Variants in IGF1R observed in about 807,000 individuals in gnomAD.
IGF1R encodes the protein insulin-like growth factor 1 receptor.
In IGF1R, 44 loss-of-function variants were observed where a neutral mutation model predicts 144.6. The ratio of observed to expected loss-of-function variants is 0.30; its 90% CI spans 0.24 to 0.39. IGF1R has a LOEUF of 0.39. IGF1R is among the 10% of genes least tolerant of loss of function. The pLI is 1.00. For missense variants in IGF1R, 1,355 were observed against 1,833.7 expected, an observed-to-expected ratio of 0.74 and a Z score of 4.77; for synonymous variants, 795 against 722.8, an observed-to-expected ratio of 1.10 and a Z score of -1.60.
chr15:98,661,199 C>T (rs928263293), intron 1 of IGF1R, among the ~76,000 whole-genome samples: 3 of 152,122 alleles, frequency 2.0e-5, no homozygotes, highest in Non-Finnish European at 4.4e-5. Context: ...TTGCCTCACT[C>T]CTGGGAGGGA....
intron 2 of IGF1R, among the ~76,000 whole-genome samples, chr15:98,728,635 G>T (rs1248057591): frequency 6.6e-6 from 1 of 152,258 alleles, no homozygotes; most frequent in East Asian, 1.9e-4. Flanking sequence ...ACCCAGTGAG[G>T]TGCCTATGCT....
At chr15:98,825,886 A>G (rs1322883018) in intron 2 of IGF1R, among the ~76,000 whole-genome samples, 5 of 152,196 alleles carry the variant, frequency 3.3e-5, no homozygotes, top group African/African-American at 1.2e-4. Context: ...GAGCCCTCAG[A>G]TATGGAGGGC....
chr15:98,874,478 G>A (rs1158670289), intron 2 of IGF1R, among the ~76,000 whole-genome samples: 6 of 152,180 alleles, frequency 3.9e-5, no homozygotes, highest in Non-Finnish European at 4.4e-5. Context: ...TTGTCAAAAG[G>A]GGTCATATGC....
intron 2 of IGF1R, among the ~76,000 whole-genome samples, chr15:98,857,786 A>G (rs1030538706): frequency 6.6e-6 from 1 of 152,230 alleles, no homozygotes; most frequent in Admixed American, 6.5e-5. Context: ...CAGATCTAAC[A>G]CAGGATTAAC....
chr15:98,880,446 G>C (rs1384828079), intron 2 of IGF1R, among the ~76,000 whole-genome samples: 1 of 152,190 alleles, frequency 6.6e-6, no homozygotes, highest in Non-Finnish European at 1.5e-5. Flanking sequence ...AAGTGATCCA[G>C]TGGGCACTGT....
At chr15:98,791,499 C>T (rs1041959205) in intron 2 of IGF1R, among the ~76,000 whole-genome samples, 1 of 152,026 alleles carries the variant, frequency 6.6e-6, no homozygotes. Flanking sequence ...GACTTGTGGA[C>T]TGTGTCAGAG....
Position 98,761,152 on chromosome 15 carries a change from T to C in IGF1R, c.640+53045T>C, listed in dbSNP as rs550090307. ...TGTCTTGGGCAACCCTGGCTCTGAGTTCCAGAGTGTTCTCCAGTAGGAGAG... is the reference window on the plus strand; with the variant it reads ...TGTCTTGGGCAACCCTGGCTCTGAGCTCCAGAGTGTTCTCCAGTAGGAGAG... On this transcript the variant is annotated intron_variant, in intron 2 of 20. Transcript: ENST00000650285. Among the ~76,000 whole-genome samples the C allele has an allele frequency of 3.2e-4, 48 of 152,204 alleles. 2 individuals carry two copies. The highest frequency in any genetic ancestry group is 1.5e-5 in the Non-Finnish European group (1 of 68,026).
chr15:98,776,468 G>A (rs1391709396), intron 2 of IGF1R, among the ~76,000 whole-genome samples: 1 of 152,186 alleles, frequency 6.6e-6, no homozygotes, highest in Non-Finnish European at 1.5e-5. Context: ...TTACAGGTGT[G>A]AGCCACTGCG....
intron 2 of IGF1R, among the ~76,000 whole-genome samples, chr15:98,829,210 G>A (rs1411898868): frequency 6.6e-6 from 1 of 152,110 alleles, no homozygotes; most frequent in East Asian, 1.9e-4. Context: ...GACTATTTTT[G>A]CTAGATTCCT....
At chr15:98,923,288 G>C (rs780315443) in intron 11 of IGF1R, among the ~76,000 whole-genome samples, 1 of 152,264 alleles carries the variant, frequency 6.6e-6, no homozygotes, top group African/African-American at 2.4e-5. Context: ...GTGCCGGCAG[G>C]GAGGGCTTGC....
At position 98,923,739 on chromosome 15, in the gene IGF1R, G is replaced by C. The variant is rs542006407; in HGVS notation, c.2486-137G>C. On this transcript the variant is annotated intron_variant, in intron 11 of 20. Transcript: ENST00000650285. ...CACTGTCCTGCCCGCGTGGATGGGG[G>C]CGTTATTCTCAGTGTACGTGGCTGA... 5 of 737,288 alleles carry C rather than the reference G, an allele frequency of 6.8e-6. No homozygotes were observed. The South Asian group carries it at 7.5e-5, about 11-fold the overall frequency. 45.7% of individuals were successfully genotyped at this position (737,288 alleles called of 1,614,324 possible).
chr15:98,742,983 G>C (rs1431491103), intron 2 of IGF1R, among the ~76,000 whole-genome samples: 1 of 152,190 alleles, frequency 6.6e-6, no homozygotes. Context: ...GTTGCAGTGA[G>C]CCAAGATTGT....
intron 2 of IGF1R, among the ~76,000 whole-genome samples, chr15:98,876,261 C>T (rs1416088397): frequency 6.6e-6 from 1 of 150,706 alleles, no homozygotes; most frequent in Non-Finnish European, 1.5e-5. Flanking sequence ...CTGTGTTCTT[C>T]ATTTGAACCC....
At chr15:98,863,241 G>A (rs1279613743) in intron 2 of IGF1R, among the ~76,000 whole-genome samples, 1 of 152,142 alleles carries the variant, frequency 6.6e-6, no homozygotes, top group Non-Finnish European at 1.5e-5. Flanking sequence ...AGGTGCTGCT[G>A]TTTGTGTCTT....
intron 2 of IGF1R, among the ~76,000 whole-genome samples, chr15:98,750,818 T>G (rs2054991951): frequency 6.6e-6 from 1 of 152,172 alleles, no homozygotes; most frequent in Non-Finnish European, 1.5e-5. Context: ...AGACGGGATC[T>G]TACTGTCACC....
Position 98,958,794 on chromosome 15 carries a change from C to T in IGF1R, c.*1352C>T. The T allele has an allele frequency of 4.3e-6, 1 of 233,200 alleles. No individual in the cohort carries two copies. The highest frequency in any genetic ancestry group is 6.1e-5 in the East Asian group (1 of 16,514). The allele number at this position is 233,200 out of a possible 1,614,324, so 14.4% of individuals were successfully genotyped here. A position where few individuals can be genotyped will look rare whatever the true frequency, so the allele number is the denominator to read the frequency against. On this transcript the variant is annotated 3_prime_UTR_variant, in exon 21 of 21. Coordinates refer to ENST00000650285, the MANE Select transcript of IGF1R (RefSeq NM_000875.5). ...CACCCTCTCCCCTTTCTGCTCACTC[C>T]AAGAAACTTCTTATGCTTTGTACTA... is the stretch of plus-strand genomic sequence containing the variant.
Position 98,810,558 on chromosome 15 carries a change from T to TC in IGF1R, c.641-80767_641-80766insC, listed in dbSNP as rs538953346. 3.3e-4 allele frequency among the ~76,000 whole-genome samples: 49 copies of TC among 150,428 alleles called. No individual in the cohort carries two copies. The South Asian group carries it at 6.7e-3, about 21-fold the overall frequency. On this transcript the variant is annotated intron_variant, in intron 2 of 20. Coordinates refer to ENST00000650285, the MANE Select transcript of IGF1R (RefSeq NM_000875.5). ...TAAATGATTTTCTTTTCTTTTCTTT[T>TC]TTTTTTTTTTTTGAGACGGAGTCTC...
At chr15:98,853,225 C>CA (rs1359144558) in intron 2 of IGF1R, among the ~76,000 whole-genome samples, 3 of 152,164 alleles carry the variant, frequency 2.0e-5, no homozygotes, top group Non-Finnish European at 2.9e-5. Context: ...AGAAGGGGGG[C>CA]AGTATTGTGT....
chr15:98,827,867 C>T (rs979226476), intron 2 of IGF1R, among the ~76,000 whole-genome samples: 5 of 152,206 alleles, frequency 3.3e-5, no homozygotes, highest in African/African-American at 1.2e-4. Context: ...AGGCATGAGC[C>T]ACCGCGCCCG....
Sources: gnomAD v4.1 joint callset for allele counts (sites outside exome capture counted in the v4.1 genomes callset) on GRCh38, gnomAD v4.1.1 for gene constraint, MANE v1.5 for transcripts, NCBI Gene and HGNC (gene_info 2026-07-23, HGNC 2026-07-21) for gene names.